The following FAM53B variants were observed in gnomAD, a reference collection of about 807,000 sequenced individuals.
FAM53B encodes family with sequence similarity 53 member B.
A neutral mutation model predicts 32.7 loss-of-function variants in FAM53B; 12 were observed. The ratio of observed to expected loss-of-function variants is 0.37; its 90% CI spans 0.24 to 0.59. FAM53B has a LOEUF of 0.59. Among genes scored for constraint, FAM53B ranks in the 20% least tolerant of loss-of-function variants. The pLI is 0.72. For synonymous variants in FAM53B, 234 were observed against 228.7 expected (o/e 1.02, Z -0.21); for missense variants, 477 against 577.7 (o/e 0.83, Z 1.79).
rs1043325043 is a variant in FAM53B, at chr10:124,702,188, C to T, written c.78+4448G>A. On this transcript the variant is annotated intron_variant, in intron 2 of 4. Transcript: ENST00000337318. The stretch of plus-strand genomic sequence containing the variant: ...AAGTGGCCTATGCTGATACCAGTCC[C>T]GGCCTCCCCCACAGTCATGCTTTCC... Among the ~76,000 whole-genome samples, 9 of 152,350 alleles carry T rather than the reference C, an allele frequency of 5.9e-5. No individual in the cohort carries two copies. The South Asian group carries it at 8.3e-4, about 14-fold the overall frequency.
chr10:124,694,195 G>A (rs1949853392), intron 3 of FAM53B, among the ~76,000 whole-genome samples: 1 of 152,248 alleles, frequency 6.6e-6, no homozygotes, highest in Admixed American at 6.5e-5. Flanking sequence ...CCCTGCTGAA[G>A]AGGAGAAGAG....
At chr10:124,696,820 T>A (rs539362633) in intron 2 of FAM53B, among the ~76,000 whole-genome samples, 1 of 152,322 alleles carries the variant, frequency 6.6e-6, no homozygotes, top group East Asian at 1.9e-4. Flanking sequence ...ATATTTGGTC[T>A]CAACATAACA....
intron 4 of FAM53B, among the ~76,000 whole-genome samples, chr10:124,669,309 T>C (rs531910786): frequency 3.5e-4 from 54 of 152,268 alleles, no homozygotes; most frequent in Non-Finnish European, 6.3e-4. Flanking sequence ...CCCGGACTTA[T>C]ACAACAGGAC....
intron 4 of FAM53B, among the ~76,000 whole-genome samples, chr10:124,678,059 T>C (rs998697788): frequency 2.6e-5 from 4 of 152,058 alleles, no homozygotes; most frequent in South Asian, 2.1e-4. Context: ...ACAAAGAAAG[T>C]GGCGTGAACA....
intron 4 of FAM53B, among the ~76,000 whole-genome samples, chr10:124,656,014 T>C (rs1277175966): frequency 6.6e-6 from 1 of 152,178 alleles, no homozygotes; most frequent in Non-Finnish European, 1.5e-5. Flanking sequence ...CAGCAGGCAA[T>C]GGGGCATTGC....
intron 1 of FAM53B, among the ~76,000 whole-genome samples, chr10:124,721,731 T>C (rs939085647): frequency 6.6e-6 from 1 of 152,208 alleles, no homozygotes; most frequent in Non-Finnish European, 1.5e-5. Context: ...AACCTGCCTG[T>C]GTCCTCGTGC....
intron 4 of FAM53B, among the ~76,000 whole-genome samples, chr10:124,625,630 C>T (rs1432887328): frequency 2.0e-5 from 3 of 152,232 alleles, no homozygotes; most frequent in Admixed American, 1.3e-4. Context: ...GCTCCCAAAG[C>T]GAACCTGCCG....
At chr10:124,692,123 GA>G (rs1949836402) in intron 3 of FAM53B, among the ~76,000 whole-genome samples, 1 of 152,256 alleles carries the variant, frequency 6.6e-6, no homozygotes, top group South Asian at 2.1e-4. Flanking sequence ...AGGAAGCCAA[GA>G]GTCAAAACAG....
intron 4 of FAM53B, among the ~76,000 whole-genome samples, chr10:124,628,704 C>G (rs1197856853): frequency 1.3e-5 from 2 of 152,250 alleles, no homozygotes; most frequent in Non-Finnish European, 2.9e-5. Flanking sequence ...CCTTCCGGAA[C>G]TACTCTGGGC....
rs138567853 is a variant in FAM53B, at chr10:124,647,814, G to A, written c.907-24210C>T. On this transcript the variant is annotated intron_variant, in intron 4 of 4. Transcript: ENST00000337318. ...GAGGAAAATGTCTTCGGCTTCACCA[G>A]ACACAGGAGGAGCTTCATAGCTCAA... Among the ~76,000 whole-genome samples, 4 of 152,322 alleles carry A rather than the reference G, an allele frequency of 2.6e-5. No homozygotes were observed. The East Asian group carries it at 7.7e-4, about 29-fold the overall frequency.
chr10:124,681,979 G>C lies in FAM53B; in HGVS notation c.534C>G (p.Ser178=), dbSNP rs1418140169. The change falls in exon 4 of 5, where the codon TCC becomes TCG. Residue 178 remains serine, a synonymous_variant. Transcript: ENST00000337318. ...FSLPSRANVL[S]SPCDQAGLHH... ...GGAGTCCTGCCTGGTCGCAGGGTGA[G>C]GAGAGCACGTTGGCCCGGGAAGGGA... The C allele has an allele frequency of 5.6e-6, 9 of 1,613,998 alleles. No individual in the cohort carries two copies. Among genetic ancestry groups the C allele is most frequent in the Non-Finnish European group, 7.6e-6 (9 of 1,180,040 alleles).
chr10:124,721,539 C>A (rs1055010673), intron 1 of FAM53B, among the ~76,000 whole-genome samples: 1 of 152,228 alleles, frequency 6.6e-6, no homozygotes, highest in African/African-American at 2.4e-5. Flanking sequence ...GCCAACCACA[C>A]CCCTGGGCGA....
chr10:124,678,156 G>C (rs761290093), intron 4 of FAM53B, among the ~76,000 whole-genome samples: 5 of 152,180 alleles, frequency 3.3e-5, no homozygotes, highest in Non-Finnish European at 5.9e-5. Context: ...CACCTCCCAG[G>C]AATGTCCACC....
intron 4 of FAM53B, among the ~76,000 whole-genome samples, chr10:124,630,441 TC>T (rs1467133131): frequency 6.6e-6 from 1 of 152,142 alleles, no homozygotes; most frequent in African/African-American, 2.4e-5. Flanking sequence ...GGGGACAGCA[TC>T]ATGCCCAGCC....
chr10:124,697,399 C>A (rs1417851774), intron 2 of FAM53B, among the ~76,000 whole-genome samples: 4 of 152,164 alleles, frequency 2.6e-5, no homozygotes, highest in African/African-American at 9.7e-5. Flanking sequence ...TAAGGCCTGG[C>A]AGGAGGATGG....
chr10:124,711,622 G>A, intron 1 of FAM53B, among the ~76,000 whole-genome samples: 1 of 152,242 alleles, frequency 6.6e-6, no homozygotes, highest in African/African-American at 2.4e-5. Flanking sequence ...CTATATATAA[G>A]TTTTTAAAAC....
At chr10:124,656,556 G>A (rs527421927) in intron 4 of FAM53B, among the ~76,000 whole-genome samples, 6 of 152,304 alleles carry the variant, frequency 3.9e-5, no homozygotes, top group South Asian at 4.1e-4. Flanking sequence ...TGTTGTTCAC[G>A]GACAGGCTGG....
intron 4 of FAM53B, chr10:124,623,870 C>A (rs944510874): frequency 4.3e-6 from 2 of 464,956 alleles, no homozygotes; most frequent in Non-Finnish European, 7.6e-6. Context: ...TGATGCAGAC[C>A]CAGTTCTGGG....
In FAM53B at chr10:124,620,844, A is replaced by T. The variant is rs894267019; in HGVS notation, c.*2398T>A. ...GACTGCTGCGTGGTGGGCACAGGAC[A>T]GGCAGGCGGGGTCTGAGGAGGCTGG... On this transcript the variant is annotated 3_prime_UTR_variant, in exon 5 of 5. Transcript: ENST00000337318. 4.6e-5 allele frequency: 7 copies of T among 152,414 alleles called. No individual in the cohort carries two copies. Among genetic ancestry groups the T allele is most frequent in the African/African-American group, 1.7e-4 (7 of 41,478 alleles). The allele number at this position is 152,414 out of a possible 1,614,324, so 9.4% of individuals were successfully genotyped here.
Sources: gnomAD v4.1 joint callset for allele counts (sites outside exome capture counted in the v4.1 genomes callset) on GRCh38, gnomAD v4.1.1 for gene constraint, MANE v1.5 for transcripts, NCBI Gene and HGNC (gene_info 2026-07-23, HGNC 2026-07-21) for gene names.